Variants in DENND1A observed in about 807,000 individuals in gnomAD.
DENND1A encodes the protein DENN domain containing 1A, also known as DENN domain-containing protein 1A.
DENND1A carries 51 observed loss-of-function variants against 113.7 expected under a neutral mutation model. The observed-to-expected ratio is 0.45, with a 90% CI of 0.36 to 0.57. The LOEUF (loss-of-function observed/expected upper bound fraction) is 0.57, where lower values mean the gene tolerates loss of function less well. DENND1A is among the 20% of genes least tolerant of loss of function. The probability of loss-of-function intolerance (pLI) is 0.00; values close to 1 mark genes in which losing one functional copy is unlikely to be tolerated. For synonymous variants in DENND1A, 565 were observed against 570.8 expected (o/e 0.99, Z 0.14); for missense variants, 1,258 against 1,395.9 (o/e 0.90, Z 1.57).
intron 13 of DENND1A, among the ~76,000 whole-genome samples, chr9:123,528,053 G>A (rs2054991143): frequency 6.6e-6 from 1 of 152,156 alleles, no homozygotes; most frequent in Non-Finnish European, 1.5e-5. Context: ...AAGTGAAAAA[G>A]TCTAATTATT....
chr9:123,719,067 A>C (rs2067163490), intron 5 of DENND1A, among the ~76,000 whole-genome samples: 2 of 152,178 alleles, frequency 1.3e-5, no homozygotes, highest in Non-Finnish European at 2.9e-5. Context: ...GCCATGTAAG[A>C]AGTGCCTTTG....
At chr9:123,843,415 G>A in intron 2 of DENND1A, 1 of 302,542 alleles carries the variant, frequency 3.3e-6, no homozygotes, top group Admixed American at 4.9e-5. Context: ...CCTTATGTTT[G>A]TTAGAACCAA....
intron 12 of DENND1A, among the ~76,000 whole-genome samples, chr9:123,572,600 TTGTGA>T (rs1267990272): frequency 6.6e-6 from 1 of 152,202 alleles, no homozygotes; most frequent in Non-Finnish European, 1.5e-5. Flanking sequence ...CATGTGCATG[TTGTGA>T]TGTGTTTCTT....
chr9:123,633,988 C>T (rs185480263), intron 9 of DENND1A, among the ~76,000 whole-genome samples: 9 of 152,174 alleles, frequency 5.9e-5, no homozygotes, highest in Admixed American at 3.9e-4. Flanking sequence ...AACATCATCA[C>T]ATGAATTAAT....
chr9:123,382,675 T>C (rs1206274866), intron 23 of DENND1A, 50 bp from the exon 24 acceptor site: 2 of 1,568,366 alleles, frequency 1.3e-6, no homozygotes. Context: ...AGTTGGGACA[T>C]ATGTGTGCCC....
intron 21 of DENND1A, among the ~76,000 whole-genome samples, chr9:123,402,339 C>G (rs758462622): frequency 1.3e-5 from 2 of 152,198 alleles, no homozygotes; most frequent in African/African-American, 4.8e-5. Context: ...CCTTAAAGAC[C>G]GTACCCTCGC....
At chr9:123,722,160 CAA>C (rs908037825) in intron 5 of DENND1A, among the ~76,000 whole-genome samples, 2 of 152,130 alleles carry the variant, frequency 1.3e-5, no homozygotes, top group African/African-American at 4.8e-5. Context: ...TATGTTTTAG[CAA>C]AGAGACTGGC....
intron 13 of DENND1A, among the ~76,000 whole-genome samples, chr9:123,551,398 C>T (rs542569290): frequency 1.3e-5 from 2 of 152,334 alleles, no homozygotes; most frequent in South Asian, 4.1e-4. Context: ...CACACGGTGC[C>T]ACGACCTGTG....
chr9:123,452,953 C>G (rs1396235865), intron 16 of DENND1A, among the ~76,000 whole-genome samples: 2 of 152,134 alleles, frequency 1.3e-5, no homozygotes, highest in African/African-American at 4.8e-5. Flanking sequence ...TTCACCATGG[C>G]TTTAGTTAAA....
At chr9:123,891,585 C>T (rs1156963474) in intron 1 of DENND1A, among the ~76,000 whole-genome samples, 1 of 152,126 alleles carries the variant, frequency 6.6e-6, no homozygotes, top group Admixed American at 6.5e-5. Context: ...GGCACACAAC[C>T]TAGAAATCGT....
intron 5 of DENND1A, among the ~76,000 whole-genome samples, chr9:123,717,709 G>A (rs1270154036): frequency 6.6e-6 from 1 of 152,100 alleles, no homozygotes; most frequent in Non-Finnish European, 1.5e-5. Flanking sequence ...TAACCTAGTG[G>A]GCAGAGCATC....
chr9:123,493,841 C>T (rs889099279), intron 13 of DENND1A, among the ~76,000 whole-genome samples: 3 of 152,062 alleles, frequency 2.0e-5, no homozygotes, highest in African/African-American at 7.2e-5. Flanking sequence ...ATTGCTTGGA[C>T]CGCCCCCTCC....
chr9:123,677,956 C>A (rs923900735), intron 5 of DENND1A, among the ~76,000 whole-genome samples: 5 of 152,130 alleles, frequency 3.3e-5, no homozygotes, highest in Non-Finnish European at 5.9e-5. Flanking sequence ...TATCTTTGAG[C>A]CTGCCTGGGC....
intron 5 of DENND1A, among the ~76,000 whole-genome samples, chr9:123,706,361 A>G (rs1366442049): frequency 6.6e-6 from 1 of 151,816 alleles, no homozygotes; most frequent in East Asian, 2.0e-4. Flanking sequence ...TATGTTGGCC[A>G]GGCTGGTCTC....
intron 2 of DENND1A, among the ~76,000 whole-genome samples, chr9:123,807,348 G>T (rs1835766069): frequency 1.3e-5 from 2 of 152,120 alleles, no homozygotes; most frequent in South Asian, 4.1e-4. Context: ...CCTCTTCCAG[G>T]AATCCATCCC....
At chr9:123,439,511 G>A (rs978081120) in intron 19 of DENND1A, among the ~76,000 whole-genome samples, 1 of 152,174 alleles carries the variant, frequency 6.6e-6, no homozygotes, top group East Asian at 1.9e-4. Context: ...TACATGTGGT[G>A]AAATAGCAAT....
chr9:123,413,940 C>T (rs1414282846), intron 19 of DENND1A: 1 of 987,572 alleles, frequency 1.0e-6, no homozygotes, highest in East Asian at 1.1e-4. Context: ...ACACCCAGCT[C>T]TCCTACACCA....
intron 21 of DENND1A, among the ~76,000 whole-genome samples, chr9:123,394,889 T>C (rs1009937301): frequency 6.6e-6 from 1 of 152,172 alleles, no homozygotes; most frequent in African/African-American, 2.4e-5. Flanking sequence ...TTCTGGGAAC[T>C]GTGGGAGCAG....
intron 13 of DENND1A, among the ~76,000 whole-genome samples, chr9:123,507,750 G>A (rs551672402): frequency 3.3e-5 from 5 of 151,516 alleles, no homozygotes; most frequent in African/African-American, 9.7e-5. Flanking sequence ...CAGCTACTTG[G>A]GGGGCTGAGG....
Sources: allele counts gnomAD v4.1 joint callset (sites outside exome capture counted in the v4.1 genomes callset), GRCh38; gene constraint gnomAD v4.1.1; transcripts MANE v1.5; gene names NCBI Gene and HGNC (gene_info 2026-07-23, HGNC 2026-07-21).